ZNF236: variants seen among roughly 807,000 people sequenced by gnomAD.
ZNF236 encodes the protein regulated by glucose.
Under a neutral mutation model 191.2 loss-of-function variants are expected in ZNF236, and 50 were observed. That is an observed-to-expected ratio of 0.26 (90% CI 0.21 to 0.33). ZNF236 has a LOEUF of 0.33. Ranked by LOEUF, ZNF236 falls within the 10% of genes least tolerant of loss-of-function variation. ZNF236 has a pLI of 1.00. For synonymous variants in ZNF236, 907 were observed against 928.8 expected (o/e 0.98, Z 0.43); for missense variants, 1,754 against 2,374.5 (o/e 0.74, Z 5.43).
chr18:76,966,818 T>G (rs1968787991), intron 30 of ZNF236, among the ~76,000 whole-genome samples: 2 of 152,354 alleles, frequency 1.3e-5, no homozygotes, highest in East Asian at 3.9e-4. Flanking sequence ...AGCAGTGGCA[T>G]CCATCTCTGA....
intron 27 of ZNF236, 29 bp from the exon 28 acceptor site, chr18:76,955,956 G>A (rs757386138): frequency 6.3e-7 from 1 of 1,593,168 alleles, no homozygotes; most frequent in Non-Finnish European, 8.5e-7. Context: ...CCAAGTGAGT[G>A]GAAAGTCACA....
intron 10 of ZNF236, among the ~76,000 whole-genome samples, chr18:76,896,620 G>A (rs1381814224): frequency 6.8e-6 from 1 of 148,112 alleles, no homozygotes; most frequent in Non-Finnish European, 1.5e-5. Context: ...ACTGCACACA[G>A]GTGTCATGCA....
At chr18:76,945,606 T>C (rs899674526) in intron 26 of ZNF236, among the ~76,000 whole-genome samples, 1 of 152,234 alleles carries the variant, frequency 6.6e-6, no homozygotes, top group Non-Finnish European at 1.5e-5. Flanking sequence ...GCGAACATAG[T>C]GAAACCCCCA....
At chr18:76,869,743 G>A (rs973941602) in intron 4 of ZNF236, among the ~76,000 whole-genome samples, 1 of 152,136 alleles carries the variant, frequency 6.6e-6, no homozygotes, top group Non-Finnish European at 1.5e-5. Flanking sequence ...ATCACCTGAG[G>A]TCAGGAGTTT....
intron 1 of ZNF236, among the ~76,000 whole-genome samples, chr18:76,833,820 G>C (rs1975240066): frequency 6.6e-6 from 1 of 152,026 alleles, no homozygotes; most frequent in Admixed American, 6.6e-5. Flanking sequence ...TCTGGGCTTT[G>C]AGATTTCTGT....
chr18:76,927,358 C>T lies in ZNF236; in HGVS notation c.4255C>T (p.Pro1419Ser), dbSNP rs753137460. 1.2e-5 allele frequency: 20 copies of T among 1,614,078 alleles called. No homozygotes were observed. Among genetic ancestry groups the T allele is most frequent in the Non-Finnish European group, 1.5e-5 (18 of 1,180,048 alleles). Reference protein sequence around the residue: ...QQLTGEPGLAPQNSSLQTSDS... With the variant: ...QQLTGEPGLASQNSSLQTSDS... Reference sequence around the variant, plus strand: ...GCTCACGGGGGAGCCTGGCCTGGCCCCACAGAACAGCTCTCTCCAGACATC... The same window carrying T: ...GCTCACGGGGGAGCCTGGCCTGGCCTCACAGAACAGCTCTCTCCAGACATC... The change falls in exon 24 of 31, where the codon CCA becomes TCA. Residue 1419 changes from proline (P) to serine (S), a missense_variant. Transcript: ENST00000320610. The surrounding 1 kb of genome is among the most constrained non-coding windows in gnomAD (Gnocchi z 5.4).
At chr18:76,959,586 C>A in intron 28 of ZNF236, 101 bp from the exon 29 acceptor site, 1 of 1,382,304 alleles carries the variant, frequency 7.2e-7, no homozygotes. Flanking sequence ...TGATTTTGTC[C>A]TTGCCACTGA....
chr18:76,948,094 A>C (rs1202949254), intron 27 of ZNF236, among the ~76,000 whole-genome samples: 1 of 152,094 alleles, frequency 6.6e-6, no homozygotes, highest in East Asian at 1.9e-4. Context: ...GCGTGTGTTC[A>C]AGATCTGTCA....
intron 21 of ZNF236, among the ~76,000 whole-genome samples, chr18:76,923,921 A>G (rs907959143): frequency 1.3e-5 from 2 of 152,224 alleles, no homozygotes; most frequent in Non-Finnish European, 2.9e-5. Context: ...TGGTAAACGC[A>G]CAGTGAATGC....
At chr18:76,903,793 T>C (rs1483551307) in intron 11 of ZNF236, among the ~76,000 whole-genome samples, 1 of 151,954 alleles carries the variant, frequency 6.6e-6, no homozygotes, top group Non-Finnish European at 1.5e-5. Context: ...TAAATGTATA[T>C]AAAATGAAAT....
chr18:76,919,782 G>A lies in ZNF236; in HGVS notation c.3281G>A (p.Cys1094Tyr). Residue 1094 changes from cysteine (C) to tyrosine (Y), a missense_variant, in exon 20 of 31, where the codon TGT becomes TAT. Around this residue, in one of 5 missense-constraint regions of ZNF236, gnomAD observed 641 missense variants for 869.6 expected, o/e 0.74. Coordinates refer to ENST00000320610, the MANE Select transcript of ZNF236 (RefSeq NM_001306089.2). This position sits in a 1 kb window ranked among gnomAD's most constrained non-coding sequence, Gnocchi z 5.3. ...TTTCCTTGATTTTGTGTAGACATTTGTATGGAGGAAGAGGAAGAACATTCT... is the reference window on the plus strand; with the variant it reads ...TTTCCTTGATTTTGTGTAGACATTTATATGGAGGAAGAGGAAGAACATTCT... ...ATGETEGGDI[C>Y]MEEEEEHSDR... The A allele has an allele frequency of 6.2e-7, 1 of 1,613,728 alleles. No individual in the cohort carries two copies. The highest frequency in any genetic ancestry group is 8.5e-7 in the Non-Finnish European group (1 of 1,179,684).
chr18:76,884,095 A>G (rs1202424250), intron 9 of ZNF236, among the ~76,000 whole-genome samples: 1 of 152,202 alleles, frequency 6.6e-6, no homozygotes, highest in African/African-American at 2.4e-5. Context: ...ATCATTGTGA[A>G]TTTTTAGTAA....
chr18:76,905,320 G>C lies in ZNF236; in HGVS notation c.2202G>C (p.Met734Ile). Residue 734 changes from methionine (M) to isoleucine (I), a missense_variant, in exon 13 of 31, where the codon ATG becomes ATC. By Grantham distance (10) the Met-to-Ile change is conservative. Transcript: ENST00000320610. ...FTTGGSLRRH[M>I]GIHNDLRPYM... Reference sequence around the variant, plus strand: ...CTGGTGGCAGCTTACGGCGACACATGGGTATCCACAACGACCTTCGTCCCT... The same window carrying C: ...CTGGTGGCAGCTTACGGCGACACATCGGTATCCACAACGACCTTCGTCCCT... 6.2e-7 allele frequency: 1 copy of C among 1,614,168 alleles called. No individual in the cohort carries two copies. Among genetic ancestry groups the C allele is most frequent in the Non-Finnish European group, 8.5e-7 (1 of 1,180,032 alleles).
In ZNF236 at chr18:76,843,803, A is replaced by C. The variant is rs8092585; in HGVS notation, c.56-5723A>C. 3.2e-5 allele frequency among the ~76,000 whole-genome samples: 2 copies of C among 62,080 alleles called. 1 individual carries two copies. Among genetic ancestry groups the C allele is most frequent in the South Asian group, 1.3e-3 (2 of 1,552 alleles). The allele number at this position is 62,080 out of a possible 152,430, so 40.7% of individuals were successfully genotyped here. A position where few individuals can be genotyped will look rare whatever the true frequency, so the allele number is the denominator to read the frequency against. On this transcript the variant is annotated intron_variant, in intron 1 of 30. Transcript: ENST00000320610. ...AAAAAAAAAAAAAAAAAAAAAAAAAAAAGTAAAGAAGAGACCGGGCGCAGT... is the reference window on the plus strand; with the variant it reads ...AAAAAAAAAAAAAAAAAAAAAAAAACAAGTAAAGAAGAGACCGGGCGCAGT...
chr18:76,936,475 C>A, intron 25 of ZNF236: 2 of 450,426 alleles, frequency 4.4e-6, no homozygotes, highest in South Asian at 3.2e-5. Context: ...ACTTTCGTTT[C>A]TCTTAGTATC....
intron 20 of ZNF236, among the ~76,000 whole-genome samples, chr18:76,920,575 C>A (rs1967506494): frequency 6.7e-6 from 1 of 149,494 alleles, no homozygotes; most frequent in South Asian, 2.1e-4. Flanking sequence ...AGTCTGTTTT[C>A]TCTATAGATT....
chr18:76,891,241 T>A (rs1977223408), intron 9 of ZNF236, among the ~76,000 whole-genome samples: 1 of 152,218 alleles, frequency 6.6e-6, no homozygotes, highest in African/African-American at 2.4e-5. Context: ...AAAACTTTTT[T>A]AACTGGGGAA....
intron 1 of ZNF236, among the ~76,000 whole-genome samples, chr18:76,847,661 G>A (rs1367469926): frequency 6.6e-6 from 1 of 151,858 alleles, no homozygotes; most frequent in East Asian, 1.9e-4. Context: ...AGTAGAGACA[G>A]GGTTTCACCG....
At chr18:76,915,363 G>A (rs952488119) in intron 18 of ZNF236, among the ~76,000 whole-genome samples, 2 of 152,144 alleles carry the variant, frequency 1.3e-5, no homozygotes, top group African/African-American at 4.8e-5. Context: ...TGAAGACTGT[G>A]ACTTCACAGA....
Sources: allele counts gnomAD v4.1 joint callset (sites outside exome capture counted in the v4.1 genomes callset), GRCh38; gene constraint gnomAD v4.1.1; regional missense constraint gnomAD v4.1.1; non-coding constraint Gnocchi (gnomAD v3.1); transcripts MANE v1.5; gene names NCBI Gene and HGNC (gene_info 2026-07-23, HGNC 2026-07-21).